LY75: variants seen among roughly 807,000 people sequenced by gnomAD.
LY75 encodes the protein C-type lectin domain family 13 member B.
In LY75, 185 loss-of-function variants were observed where a neutral mutation model predicts 231.7. The ratio of observed to expected loss-of-function variants is 0.80; its 90% confidence interval spans 0.71 to 0.90. LY75 has a LOEUF of 0.90. Among genes scored for constraint, LY75 ranks in the 40% least tolerant of loss-of-function variants. The probability of loss-of-function intolerance (pLI) is 0.00; values close to 1 mark genes in which losing one functional copy is unlikely to be tolerated. For synonymous variants in LY75, 668 were observed against 689.0 expected (o/e 0.97, Z 0.48); for missense variants, 1,947 against 2,050.2 (o/e 0.95, Z 0.97).
chr2:159,872,312 G>A, intron 13 of LY75, 139 bp downstream of exon 13: 1 of 1,101,612 alleles, frequency 9.1e-7, no homozygotes, highest in Non-Finnish European at 1.3e-6. Flanking sequence ...TTCCATGACT[G>A]CTAAGCACCA....
intron 31 of LY75, among the ~76,000 whole-genome samples, chr2:159,814,524 A>T (rs1488051691): frequency 6.6e-6 from 1 of 151,778 alleles, no homozygotes; most frequent in Non-Finnish European, 1.5e-5. Flanking sequence ...GTGTGGTGGC[A>T]TGTGTATGTG....
chr2:159,805,229 C>T lies in LY75; in HGVS notation c.4991-7G>A. 6.2e-7 allele frequency: 1 copy of T among 1,611,640 alleles called. No homozygotes were observed. The highest frequency in any genetic ancestry group is 1.1e-5 in the South Asian group (1 of 90,762). ...ATTGCTGTGTAATCAGGGCCTGGAA[C>T]AGGAAAAGGTTTGATGTTGGAGGAG... On this transcript the variant is annotated splice_polypyrimidine_tract_variant and splice_region_variant and intron_variant, in intron 34 of 34. Transcript: ENST00000263636.
Position 159,805,108 on chromosome 2 carries a change from G to A in LY75, c.5105C>T (p.Ser1702Leu). ...QRHRLHLAGF[S>L]SVRYAQGVNE... The stretch of plus-strand genomic sequence containing the variant: ...CACTCCTTGTGCATATCGAACTGAT[G>A]AGAAACCCGCCAGGTGCAAACGGTG... The change falls in exon 35 of 35, where the codon TCA becomes TTA. Residue 1702 changes from serine to leucine, a missense_variant. Transcript: ENST00000263636. The A allele has an allele frequency of 1.2e-6, 2 of 1,614,152 alleles. No individual in the cohort carries two copies. The highest frequency in any genetic ancestry group is 2.2e-5 in the East Asian group (1 of 44,878).
At chr2:159,819,966 C>T (rs944791691) in intron 28 of LY75, 46 bp from the exon 29 acceptor site, 17 of 1,530,134 alleles carry the variant, frequency 1.1e-5, no homozygotes, top group Non-Finnish European at 1.5e-5. Context: ...TAAATCAAGA[C>T]TTGAATTACA....
chr2:159,858,850 C>T (rs1460086729), intron 15 of LY75, among the ~76,000 whole-genome samples: 1 of 152,208 alleles, frequency 6.6e-6, no homozygotes, highest in African/African-American at 2.4e-5. Context: ...CTGGTGTTAC[C>T]ATGCCATTTC....
chr2:159,830,071 A>G (rs79753000), intron 28 of LY75, among the ~76,000 whole-genome samples: 2,319 of 152,244 alleles, frequency 0.015, 63 homozygotes, highest in African/African-American at 0.053. Context: ...ATCAGAGAAA[A>G]GGTTTGGGCC....
chr2:159,811,359 T>C (rs1227650037), intron 31 of LY75, among the ~76,000 whole-genome samples: 1 of 151,870 alleles, frequency 6.6e-6, no homozygotes, highest in Non-Finnish European at 1.5e-5. Context: ...CTGGTTTCCA[T>C]TTAAATTGAT....
At chr2:159,819,942 C>T (rs757993643) in intron 28 of LY75, 22 bp from the exon 29 acceptor site, 10 of 1,505,844 alleles carry the variant, frequency 6.6e-6, no homozygotes, top group Admixed American at 2.0e-5. Context: ...ACATTTTTTC[C>T]TATGCTTAGA....
chr2:159,881,806 A>C lies in LY75; in HGVS notation c.1246+318T>G, dbSNP rs554633298. Among the ~76,000 whole-genome samples the C allele has an allele frequency of 2.0e-5, 3 of 152,346 alleles. No homozygotes were observed. In the South Asian group the frequency reaches 6.2e-4, roughly 32 times the overall value. On this transcript the variant is annotated intron_variant, in intron 7 of 34. Transcript: ENST00000263636. The stretch of plus-strand genomic sequence containing the variant: ...TAGAATTTAGCTCATGAGAAGAGGG[A>C]AATCAATCAATGGCAGTACTGTCAA...
chr2:159,860,784 T>G, intron 15 of LY75, 37 bp downstream of exon 15: 8 of 1,609,884 alleles, frequency 5.0e-6, no homozygotes, highest in Non-Finnish European at 6.0e-6. Flanking sequence ...GATGGACTTA[T>G]GTTTTAAATA....
At chr2:159,884,645 T>C (rs938605801) in intron 6 of LY75, among the ~76,000 whole-genome samples, 1 of 152,196 alleles carries the variant, frequency 6.6e-6, no homozygotes, top group Admixed American at 6.6e-5. Flanking sequence ...CTATAGGTTT[T>C]GCCTCATTAC....
rs779023909 is a variant in LY75 at position 159,879,242 on chromosome 2, A to T, written c.1515+17T>A. On this transcript the variant is annotated intron_variant, in intron 9 of 34. Transcript: ENST00000263636. Reference sequence around the variant, plus strand: ...TGTAATACTGCTTGAGAAAATTTACATAGGGATTTTACCTACCTCATCTGG... The same window carrying T: ...TGTAATACTGCTTGAGAAAATTTACTTAGGGATTTTACCTACCTCATCTGG... The T allele has an allele frequency of 6.2e-6, 10 of 1,603,904 alleles. No individual in the cohort carries two copies. In the South Asian group the frequency reaches 1.0e-4, roughly 16 times the overall value.
Position 159,904,688 on chromosome 2 carries a change from G to T in LY75, c.-6C>A. 1 of 1,428,714 alleles carries T rather than the reference G, an allele frequency of 7.0e-7. No homozygotes were observed. The highest frequency in any genetic ancestry group is 3.1e-5 in the East Asian group (1 of 32,660). 88.5% of individuals were successfully genotyped at this position (1,428,714 alleles called of 1,614,324 possible). ...GTCGCCCAGCCTGTCCTCATCCTGA[G>T]CTGGCGCAAGCCTTCCGGCCGGGTC... On this transcript the variant is annotated 5_prime_UTR_variant, in exon 1 of 35. Transcript: ENST00000263636.
chr2:159,884,443 C>T (rs898860280), intron 6 of LY75, among the ~76,000 whole-genome samples: 6 of 152,204 alleles, frequency 3.9e-5, no homozygotes, highest in African/African-American at 1.4e-4. Flanking sequence ...TCCTCAAAAA[C>T]TTCAGCTGTT....
chr2:159,810,819 C>G, intron 31 of LY75, 144 bp from the exon 32 acceptor site: 1 of 1,221,914 alleles, frequency 8.2e-7, no homozygotes, highest in Non-Finnish European at 1.1e-6. Context: ...ACAGCCCACA[C>G]TCTATAAATA....
chr2:159,840,200 C>A (rs549417268), intron 25 of LY75, among the ~76,000 whole-genome samples: 152 of 151,962 alleles, frequency 1.0e-3, no homozygotes, highest in African/African-American at 3.5e-3. Context: ...ATATATATAT[C>A]TCCACCAGAA....
At chr2:159,882,344 A>G (rs995395980) in intron 6 of LY75, 29 bp from the exon 7 acceptor site, 1 of 1,604,288 alleles carries the variant, frequency 6.2e-7, no homozygotes, top group African/African-American at 1.3e-5. Context: ...TTTATATTCC[A>G]GTAAAGATAC....
At position 159,904,664 on chromosome 2, in the gene LY75, T is replaced by A; in HGVS notation, c.19A>T (p.Thr7Ser). 2 of 1,484,980 alleles carry A rather than the reference T, an allele frequency of 1.3e-6. No homozygotes were observed. The highest frequency in any genetic ancestry group is 2.9e-5 in the East Asian group (1 of 34,272). The allele number at this position is 1,484,980 out of a possible 1,614,324, so 92.0% of individuals were successfully genotyped here. A position where few individuals can be genotyped will look rare whatever the true frequency, so the allele number is the denominator to read the frequency against. The change falls in exon 1 of 35, where the codon ACC becomes TCC. Residue 7 changes from threonine to serine, a missense_variant. Transcript: ENST00000263636. MRTGWA[T>S]PRRPAGLLML... Reference sequence around the variant, plus strand: ...AGGAGCCCCGCCGGGCGGCGAGGGGTCGCCCAGCCTGTCCTCATCCTGAGC... The same window carrying A: ...AGGAGCCCCGCCGGGCGGCGAGGGGACGCCCAGCCTGTCCTCATCCTGAGC...
At chr2:159,864,808 T>A (rs775324096) in intron 14 of LY75, 31 bp downstream of exon 14, 12 of 1,523,498 alleles carry the variant, frequency 7.9e-6, no homozygotes, top group Non-Finnish European at 9.7e-6. Flanking sequence ...AGTGTTTCCA[T>A]ACTACCTAAA....
Sources: gnomAD v4.1 joint callset for allele counts (sites outside exome capture counted in the v4.1 genomes callset) on GRCh38, gnomAD v4.1.1 for gene constraint, MANE v1.5 for transcripts, NCBI Gene and HGNC (gene_info 2026-07-23, HGNC 2026-07-21) for gene names.